AGBL4: variants seen among roughly 807,000 people sequenced by gnomAD.
AGBL4 encodes the protein cytosolic carboxypeptidase 6.
In AGBL4, 58 loss-of-function variants were observed where a neutral mutation model predicts 66.4. That is an observed-to-expected ratio of 0.87 (90% CI 0.71 to 1.09). AGBL4 has a LOEUF of 1.09. Among genes scored for constraint, AGBL4 ranks in the 50% least tolerant of loss-of-function variants. The probability of loss-of-function intolerance (pLI) is 0.00; values close to 1 mark genes in which losing one functional copy is unlikely to be tolerated. For synonymous variants in AGBL4, 234 were observed against 222.9 expected, an observed-to-expected ratio of 1.05 and a Z score of -0.44; for missense variants, 579 against 631.0, an observed-to-expected ratio of 0.92 and a Z score of 0.88.
chr1:48,871,412 C>T (rs146332210), intron 5 of AGBL4, among the ~76,000 whole-genome samples: 10 of 117,294 alleles, frequency 8.5e-5, no homozygotes, highest in Admixed American at 4.9e-4. Context: ...CGTTTGGGGT[C>T]GGGGAGAGGA....
At chr1:48,742,588 C>CTT in intron 6 of AGBL4, 3 of 1,486,020 alleles carry the variant, frequency 2.0e-6, no homozygotes, top group Non-Finnish European at 2.7e-6. Flanking sequence ...CTAACAAACA[C>CTT]TTGCAGGGAA....
At position 48,769,553 on chromosome 1, in the gene AGBL4, ACACACACACACACACAC is replaced by A. The variant is rs1377589011; in HGVS notation, c.634+97621_634+97637del. ...CACACACACACACACACACACACAC[ACACACACACACACACAC>A]AAGTTAAATTTTAAACTTGTATGCT... On this transcript the variant is annotated intron_variant, in intron 6 of 13. Transcript: ENST00000371839. Among the ~76,000 whole-genome samples the A allele has an allele frequency of 3.4e-5, 5 of 147,214 alleles. No homozygotes were observed. The East Asian group carries it at 8.1e-4, about 24-fold the overall frequency.
chr1:49,917,719 C>A (rs1268099613), intron 1 of AGBL4, among the ~76,000 whole-genome samples: 2 of 152,176 alleles, frequency 1.3e-5, no homozygotes, highest in Admixed American at 1.3e-4. Context: ...AAACTCAGCT[C>A]TGCACCAAGC....
intron 5 of AGBL4, among the ~76,000 whole-genome samples, chr1:48,907,572 TCTAGCCTA>T (rs1652724172): frequency 6.6e-6 from 1 of 152,132 alleles, no homozygotes; most frequent in African/African-American, 2.4e-5. Context: ...TGAGGGAAGC[TCTAGCCTA>T]CGCAATTCAT....
At position 49,980,192 on chromosome 1, in the gene AGBL4, G is replaced by A. The variant is rs544025852; in HGVS notation, c.34+43571C>T. Among the ~76,000 whole-genome samples, 14 of 152,044 alleles carry A rather than the reference G, an allele frequency of 9.2e-5. No individual in the cohort carries two copies. In the South Asian group the frequency reaches 1.2e-3, roughly 14 times the overall value. Reference sequence around the variant, plus strand: ...TTTTTGACTGTGTGGGGCTGTCAGCGCCTCTAACCCATTGTTCAAGGGTCA... The same window carrying A: ...TTTTTGACTGTGTGGGGCTGTCAGCACCTCTAACCCATTGTTCAAGGGTCA... On this transcript the variant is annotated intron_variant, in intron 1 of 13. Transcript: ENST00000371839.
At chr1:48,993,931 A>G (rs902956347) in intron 5 of AGBL4, among the ~76,000 whole-genome samples, 4 of 152,216 alleles carry the variant, frequency 2.6e-5, no homozygotes, top group South Asian at 2.1e-4. Flanking sequence ...TATCAGTGAT[A>G]TGAAGTAAAA....
intron 3 of AGBL4, among the ~76,000 whole-genome samples, chr1:49,462,314 G>A (rs995561113): frequency 6.6e-6 from 1 of 151,674 alleles, no homozygotes; most frequent in Non-Finnish European, 1.5e-5. Context: ...AGAGCAGAAA[G>A]AATAGAAAAG....
chr1:49,591,141 G>A (rs1328735729), intron 3 of AGBL4, among the ~76,000 whole-genome samples: 2 of 151,456 alleles, frequency 1.3e-5, no homozygotes, highest in Non-Finnish European at 2.9e-5. Flanking sequence ...AACATAAAAA[G>A]GTAAACAATT....
At chr1:49,639,978 A>T (rs541012694) in intron 3 of AGBL4, among the ~76,000 whole-genome samples, 2 of 152,152 alleles carry the variant, frequency 1.3e-5, no homozygotes, top group Non-Finnish European at 2.9e-5. Context: ...GTTTTCTATG[A>T]CTGAAGAATG....
chr1:49,947,371 GA>G (rs1226702555), intron 1 of AGBL4, among the ~76,000 whole-genome samples: 1 of 152,006 alleles, frequency 6.6e-6, no homozygotes, highest in African/African-American at 2.4e-5. Context: ...TCACACCAGG[GA>G]TGCAGGGATG....
chr1:49,547,370 T>C (rs1325677629), intron 3 of AGBL4, among the ~76,000 whole-genome samples: 1 of 152,244 alleles, frequency 6.6e-6, no homozygotes, highest in Non-Finnish European at 1.5e-5. Context: ...ATGTACCTAT[T>C]TTTATAGCAG....
rs574697910 is a variant in AGBL4 at position 48,607,668 on chromosome 1, A to G, written c.952-16683T>C. On this transcript the variant is annotated intron_variant, in intron 9 of 13. Coordinates refer to ENST00000371839, the MANE Select transcript of AGBL4 (RefSeq NM_032785.4). ...GTCTGTTGAACGGCACCATTCTAGTATCTTAGCCATCATAAACAGTGGATT... is the reference window on the plus strand; with the variant it reads ...GTCTGTTGAACGGCACCATTCTAGTGTCTTAGCCATCATAAACAGTGGATT... Among the ~76,000 whole-genome samples the G allele has an allele frequency of 5.9e-5, 9 of 152,208 alleles. No individual in the cohort carries two copies. In the South Asian group the frequency reaches 1.9e-3, roughly 32 times the overall value.
intron 5 of AGBL4, among the ~76,000 whole-genome samples, chr1:48,884,341 G>C (rs1650083708): frequency 6.7e-6 from 1 of 150,006 alleles, no homozygotes; most frequent in African/African-American, 2.4e-5. Flanking sequence ...AAGCTAAAAA[G>C]TACCAGACCA....
intron 3 of AGBL4, among the ~76,000 whole-genome samples, chr1:49,520,440 G>C (rs745536721): frequency 2.6e-5 from 4 of 151,934 alleles, no homozygotes; most frequent in Admixed American, 6.6e-5. Context: ...TAATTTGAAT[G>C]GTACATTTTA....
chr1:49,605,497 G>T (rs1645047370), intron 3 of AGBL4, among the ~76,000 whole-genome samples: 1 of 152,062 alleles, frequency 6.6e-6, no homozygotes. Flanking sequence ...GAAAACATTA[G>T]ATCAATTAAG....
intron 6 of AGBL4, among the ~76,000 whole-genome samples, chr1:48,702,298 G>GT (rs1270397000): frequency 6.6e-6 from 1 of 151,032 alleles, no homozygotes; most frequent in African/African-American, 2.4e-5. Context: ...GTTTTGTTTT[G>GT]TTTTTTGTTT....
intron 3 of AGBL4, among the ~76,000 whole-genome samples, chr1:49,490,418 T>G (rs937976658): frequency 6.6e-6 from 1 of 151,744 alleles, no homozygotes; most frequent in Non-Finnish European, 1.5e-5. Context: ...TTCCTACATA[T>G]TGCTGGATTT....
chr1:49,555,747 A>G lies in AGBL4; in HGVS notation c.282+141566T>C, dbSNP rs187355250. ...ATGAACAGACACTTCTCAAAAGAAG[A>G]CATTTATGCAGCCAACAGACACATG... On this transcript the variant is annotated intron_variant, in intron 3 of 13. Coordinates refer to ENST00000371839, the MANE Select transcript of AGBL4 (RefSeq NM_032785.4). Among the ~76,000 whole-genome samples, 156 of 152,120 alleles carry G rather than the reference A, an allele frequency of 1.0e-3. 2 individuals are homozygous for G. The highest frequency in any genetic ancestry group is 0.01 in the Admixed American group (156 of 15,274).
intron 4 of AGBL4, among the ~76,000 whole-genome samples, chr1:49,106,791 G>A (rs553651508): frequency 2.6e-5 from 4 of 152,228 alleles, no homozygotes; most frequent in African/African-American, 9.6e-5. Context: ...TAAATTCTAT[G>A]AAAGACCTTA....
Sources: gnomAD v4.1 joint callset for allele counts (sites outside exome capture counted in the v4.1 genomes callset) on GRCh38, gnomAD v4.1.1 for gene constraint, MANE v1.5 for transcripts, NCBI Gene and HGNC (gene_info 2026-07-23, HGNC 2026-07-21) for gene names.